The following EPB41L2 variants were observed in gnomAD, a reference collection of about 807,000 sequenced individuals.
EPB41L2 encodes band 4.1-like protein 2.
EPB41L2 carries 43 observed loss-of-function variants against 113.0 expected under a neutral mutation model. The ratio of observed to expected loss-of-function variants is 0.38; its 90% CI spans 0.30 to 0.49. The LOEUF is 0.49. EPB41L2 is among the 20% of genes least tolerant of loss of function. EPB41L2 has a pLI of 0.95. For synonymous variants in EPB41L2, 442 were observed against 436.7 expected (o/e 1.01, Z -0.15); for missense variants, 1,147 against 1,223.4 (o/e 0.94, Z 0.93).
At chr6:130,923,029 C>G (rs990998199) in intron 4 of EPB41L2, among the ~76,000 whole-genome samples, 1 of 152,128 alleles carries the variant, frequency 6.6e-6, no homozygotes, top group Non-Finnish European at 1.5e-5. Flanking sequence ...CTCATGATAT[C>G]CCCTACCAAC....
chr6:130,986,031 A>T (rs1296902978), intron 1 of EPB41L2, among the ~76,000 whole-genome samples: 1 of 152,204 alleles, frequency 6.6e-6, no homozygotes, highest in African/African-American at 2.4e-5. Flanking sequence ...TAAACTACAG[A>T]CCAACATCCC....
chr6:131,028,530 T>G (rs186508227), intron 1 of EPB41L2, among the ~76,000 whole-genome samples: 11 of 152,266 alleles, frequency 7.2e-5, no homozygotes, highest in Admixed American at 6.5e-4. Flanking sequence ...TTAAATCTGA[T>G]TCCATACTTT....
At chr6:130,981,031 T>G (rs1368895781) in intron 1 of EPB41L2, among the ~76,000 whole-genome samples, 1 of 152,006 alleles carries the variant, frequency 6.6e-6, no homozygotes, top group African/African-American at 2.4e-5. Context: ...GGAAAAAAAC[T>G]AAGGAGAAAG....
intron 14 of EPB41L2, among the ~76,000 whole-genome samples, chr6:130,873,262 C>T (rs73000246): frequency 4.6e-5 from 7 of 152,156 alleles, no homozygotes; most frequent in South Asian, 4.1e-4. Flanking sequence ...CAATGAGCAA[C>T]GTGAAAATTA....
intron 3 of EPB41L2, among the ~76,000 whole-genome samples, chr6:130,935,816 A>T (rs1562526978): frequency 6.6e-6 from 1 of 152,188 alleles, no homozygotes; most frequent in African/African-American, 2.4e-5. Context: ...GCCCACTTGG[A>T]GGACTTCTAT....
At chr6:130,911,818 G>A (rs903938577) in intron 4 of EPB41L2, among the ~76,000 whole-genome samples, 1 of 152,004 alleles carries the variant, frequency 6.6e-6, no homozygotes, top group Non-Finnish European at 1.5e-5. Context: ...CAATTTTTGA[G>A]GTACAATAAA....
At chr6:130,995,208 C>T (rs138749761) in intron 1 of EPB41L2, among the ~76,000 whole-genome samples, 4,170 of 152,148 alleles carry the variant, frequency 0.027, 178 homozygotes, top group African/African-American at 0.094. Flanking sequence ...TGGTGATGGG[C>T]GCCTGTAGTC....
At chr6:130,843,606 G>C (rs974184592) in intron 19 of EPB41L2, among the ~76,000 whole-genome samples, 1 of 152,182 alleles carries the variant, frequency 6.6e-6, no homozygotes, top group Admixed American at 6.5e-5. Flanking sequence ...TATACTTTAT[G>C]TATTAGAATT....
chr6:130,847,059 T>C (rs1265123940), intron 19 of EPB41L2, among the ~76,000 whole-genome samples: 14 of 152,238 alleles, frequency 9.2e-5, no homozygotes, highest in Non-Finnish European at 1.5e-5. Flanking sequence ...CTAAAGGACA[T>C]GGCATGTAAG....
intron 1 of EPB41L2, among the ~76,000 whole-genome samples, chr6:131,029,817 T>C (rs1000791845): frequency 6.6e-6 from 1 of 152,086 alleles, no homozygotes; most frequent in Non-Finnish European, 1.5e-5. Flanking sequence ...GGTGCCACAA[T>C]ACCTGAAAGC....
chr6:130,956,013 A>G lies in EPB41L2; in HGVS notation c.473T>C (p.Val158Ala), dbSNP rs1817321743. 6.2e-7 allele frequency: 1 copy of G among 1,612,236 alleles called. No homozygotes were observed. Among genetic ancestry groups the G allele is most frequent in the East Asian group, 2.2e-5 (1 of 44,874 alleles). Residue 158 changes from valine to alanine, a missense_variant, in exon 2 of 20, where the codon GTG (valine) becomes GCG (alanine). By Grantham distance (64) the Val-to-Ala change is moderately conservative (BLOSUM62 0). Coordinates refer to ENST00000337057, the MANE Select transcript of EPB41L2 (RefSeq NM_001431.4). ...ACATACCTGCATCTCCACTTTGCTC[A>G]CTGAGGGTTTTTCTTCCTTGCTCAC... ...PSVSKEEKPS[V>A]SKVEMQPTEL...
chr6:131,048,151 A>AG (rs1562797450), intron 1 of EPB41L2, among the ~76,000 whole-genome samples: 15 of 134,440 alleles, frequency 1.1e-4, no homozygotes, highest in African/African-American at 3.6e-4. Context: ...AAAAAAAAAA[A>AG]AAAAAAGAAA....
intron 1 of EPB41L2, among the ~76,000 whole-genome samples, chr6:130,959,517 C>A (rs1393734807): frequency 1.3e-5 from 2 of 152,146 alleles, no homozygotes; most frequent in East Asian, 3.8e-4. Flanking sequence ...CAGTAATATC[C>A]CTGACAGCAA....
At chr6:130,883,144 T>C (rs1182065496) in intron 12 of EPB41L2, 1 of 152,400 alleles carries the variant, frequency 6.6e-6, no homozygotes, top group African/African-American at 2.4e-5. Context: ...GGATGAGAGG[T>C]GAAGGTGGGC....
At chr6:130,990,400 A>G (rs1781546454) in intron 1 of EPB41L2, among the ~76,000 whole-genome samples, 4 of 152,202 alleles carry the variant, frequency 2.6e-5, no homozygotes, top group Admixed American at 2.6e-4. Flanking sequence ...AAAGAGAAAA[A>G]GAAACGAAGA....
chr6:130,869,804 T>C lies in EPB41L2; in HGVS notation c.2366A>G (p.Glu789Gly). ...GGCTTCGGGCACTGCTTCCTCCCTC[T>C]CTACTACCTTGGCTGCCGGGCGGGG... ...EEPRPAAKVV[E>G]REEAVPEASP... Residue 789 changes from glutamate to glycine, a missense_variant, in exon 15 of 20, where the codon GAG becomes GGG. Transcript: ENST00000337057. 6.2e-7 allele frequency: 1 copy of C among 1,613,986 alleles called. No individual in the cohort carries two copies. Among genetic ancestry groups the C allele is most frequent in the Non-Finnish European group, 8.5e-7 (1 of 1,180,014 alleles).
At chr6:130,852,315 T>C (rs1459828907) in intron 19 of EPB41L2, among the ~76,000 whole-genome samples, 3 of 152,162 alleles carry the variant, frequency 2.0e-5, no homozygotes, top group Non-Finnish European at 2.9e-5. Flanking sequence ...ATGCAGACGA[T>C]CCAGAAAACT....
chr6:130,964,045 A>G (rs1774325737), intron 1 of EPB41L2, among the ~76,000 whole-genome samples: 2 of 151,250 alleles, frequency 1.3e-5, no homozygotes, highest in South Asian at 4.2e-4. Flanking sequence ...TTTTCACACG[A>G]AGTCTCCCTC....
chr6:130,863,575 G>T, intron 18 of EPB41L2, 63 bp downstream of exon 18: 2 of 1,183,612 alleles, frequency 1.7e-6, no homozygotes, highest in South Asian at 2.5e-5. Flanking sequence ...GCGACATGAT[G>T]ACAAATGTGA....
Sources: allele counts gnomAD v4.1 joint callset (sites outside exome capture counted in the v4.1 genomes callset), GRCh38; gene constraint gnomAD v4.1.1; transcripts MANE v1.5; gene names NCBI Gene and HGNC (gene_info 2026-07-23, HGNC 2026-07-21).